The following ADAM32 variants were observed in gnomAD, a reference collection of about 807,000 sequenced individuals.
The protein encoded by ADAM32 is ADAM metallopeptidase domain 32.
Under a neutral mutation model 114.9 loss-of-function variants are expected in ADAM32, and 89 were observed. That is an observed-to-expected ratio of 0.77 (90% CI 0.65 to 0.92). ADAM32 has a LOEUF of 0.92. ADAM32 is among the 40% of genes least tolerant of loss of function. The pLI, the probability that ADAM32 is intolerant of heterozygous loss-of-function variation, is 0.00. For missense variants in ADAM32, 870 were observed against 932.8 expected (o/e 0.93, Z 0.88); for synonymous variants, 285 against 307.5 (o/e 0.93, Z 0.77).
chr8:39,161,026 G>A, intron 7 of ADAM32, 61 bp downstream of exon 7: 1 of 1,391,890 alleles, frequency 7.2e-7, no homozygotes, highest in Non-Finnish European at 9.8e-7. Flanking sequence ...ATTATGCCTA[G>A]CTAGCTAGAC....
intron 11 of ADAM32, among the ~76,000 whole-genome samples, chr8:39,204,243 A>T (rs1807652243): frequency 6.6e-6 from 1 of 152,196 alleles, no homozygotes; most frequent in African/African-American, 2.4e-5. Flanking sequence ...ACTTGGTTCC[A>T]TTCTCACCAT....
chr8:39,266,350 G>C lies in ADAM32; in HGVS notation c.2163-4526G>C, dbSNP rs145060947. ...TAATCACATATTGCTCTGATATTTT[G>C]TTCATTTAAAAAATTATTTTTTCTT... On this transcript the variant is annotated intron_variant, in intron 19 of 24. Transcript: ENST00000379907. Among the ~76,000 whole-genome samples the C allele has an allele frequency of 1.1e-4, 17 of 152,216 alleles. No homozygotes were observed. The East Asian group carries it at 3.3e-3, about 29-fold the overall frequency.
At chr8:39,181,236 C>A (rs1485744603) in intron 10 of ADAM32, among the ~76,000 whole-genome samples, 1 of 152,210 alleles carries the variant, frequency 6.6e-6, no homozygotes, top group Non-Finnish European at 1.5e-5. Context: ...CTGTAACACT[C>A]ACCACGAAGA....
At chr8:39,153,125 A>C (rs755329932) in intron 6 of ADAM32, among the ~76,000 whole-genome samples, 50 of 152,226 alleles carry the variant, frequency 3.3e-4, no homozygotes, top group Non-Finnish European at 7.2e-4. Context: ...TGCTTAATTC[A>C]CTATTATTTT....
At chr8:39,161,724 G>A (rs1804518641) in intron 7 of ADAM32, among the ~76,000 whole-genome samples, 1 of 152,054 alleles carries the variant, frequency 6.6e-6, no homozygotes, top group Admixed American at 6.6e-5. Context: ...AGCTTGTCAG[G>A]AAGCCAGAGT....
intron 19 of ADAM32, among the ~76,000 whole-genome samples, chr8:39,263,362 A>G (rs1812161018): frequency 6.6e-6 from 1 of 152,034 alleles, no homozygotes; most frequent in Non-Finnish European, 1.5e-5. Flanking sequence ...TTTTTCTATA[A>G]GTTATGAAAA....
chr8:39,205,485 G>C (rs1482968297), intron 11 of ADAM32, among the ~76,000 whole-genome samples: 2 of 152,208 alleles, frequency 1.3e-5, no homozygotes, highest in Non-Finnish European at 2.9e-5. Context: ...ACAGTATTAG[G>C]GTGGGAGTGA....
At chr8:39,180,202 A>C (rs1055659062) in intron 10 of ADAM32, among the ~76,000 whole-genome samples, 1 of 152,114 alleles carries the variant, frequency 6.6e-6, no homozygotes, top group Non-Finnish European at 1.5e-5. Context: ...CGGGCCCCGC[A>C]CTCGGAGCAG....
chr8:39,275,059 T>C (rs73608656), intron 21 of ADAM32, among the ~76,000 whole-genome samples: 1,541 of 152,326 alleles, frequency 0.01, 17 homozygotes, highest in African/African-American at 0.034. Context: ...TGCCTCCTGG[T>C]GTTCATTTTT....
chr8:39,238,387 A>C (rs186810470), intron 16 of ADAM32, among the ~76,000 whole-genome samples: 107 of 152,362 alleles, frequency 7.0e-4, no homozygotes, highest in Admixed American at 1.6e-3. Context: ...GATAGAGCAC[A>C]ACATCAAGGG....
At chr8:39,189,945 G>T (rs1806498905) in intron 11 of ADAM32, among the ~76,000 whole-genome samples, 1 of 152,148 alleles carries the variant, frequency 6.6e-6, no homozygotes, top group Non-Finnish European at 1.5e-5. Flanking sequence ...CTCCCGAGCA[G>T]CTGGAACTAT....
At chr8:39,218,878 C>T (rs1808761993) in intron 12 of ADAM32, among the ~76,000 whole-genome samples, 1 of 152,044 alleles carries the variant, frequency 6.6e-6, no homozygotes. Flanking sequence ...AGAGCATGTA[C>T]CTGAAGTCAG....
At chr8:39,209,124 A>G (rs1456269857) in intron 11 of ADAM32, among the ~76,000 whole-genome samples, 1 of 152,082 alleles carries the variant, frequency 6.6e-6, no homozygotes, top group Admixed American at 6.6e-5. Context: ...AATGACTTGT[A>G]CATTTGGTAT....
chr8:39,217,102 A>AG, intron 12 of ADAM32, among the ~76,000 whole-genome samples: 1 of 41,750 alleles, frequency 2.4e-5, no homozygotes, highest in Non-Finnish European at 5.4e-5. Flanking sequence ...TTATGTTTAA[A>AG]GAATATATAT....
chr8:39,141,539 A>C (rs1007106018), intron 3 of ADAM32, among the ~76,000 whole-genome samples: 7 of 152,156 alleles, frequency 4.6e-5, no homozygotes, highest in African/African-American at 1.7e-4. Context: ...ATTTGATTGC[A>C]CTGTGGTCTG....
rs960074316 is a variant in ADAM32 at position 39,107,789 on chromosome 8, G to T, written c.14G>T (p.Trp5Leu). The T allele has an allele frequency of 3.5e-5, 54 of 1,550,336 alleles. No homozygotes were observed. The highest frequency in any genetic ancestry group is 4.5e-5 in the Non-Finnish European group (52 of 1,146,668). ...CGAAGCCGCACCATGTTCCGCCTCT[G>T]GTTGCTGCTGGCCGGGCTCTGCGGC... MFRL[W>L]LLLAGLCGLL... Residue 5 changes from tryptophan (W) to leucine (L), a missense_variant, in exon 1 of 25, where the codon TGG becomes TTG. Physicochemically the swap from Trp to Leu is moderately conservative, Grantham distance 61. Transcript: ENST00000379907.
At chr8:39,164,114 T>C (rs905541821) in intron 7 of ADAM32, among the ~76,000 whole-genome samples, 2 of 152,174 alleles carry the variant, frequency 1.3e-5, no homozygotes, top group Non-Finnish European at 2.9e-5. Flanking sequence ...CACAGCACTC[T>C]CCTGTGTGAT....
intron 3 of ADAM32, 58 bp from the exon 4 acceptor site, chr8:39,147,072 T>A: frequency 1.5e-6 from 1 of 688,504 alleles, no homozygotes; most frequent in Non-Finnish European, 2.0e-6. Flanking sequence ...AAGTTTACTA[T>A]GTTTTTATAT....
At chr8:39,209,214 G>A (rs1315681066) in intron 11 of ADAM32, among the ~76,000 whole-genome samples, 1 of 152,034 alleles carries the variant, frequency 6.6e-6, no homozygotes, top group Non-Finnish European at 1.5e-5. Context: ...CAAATAGCCT[G>A]TGTTTGTGCT....
Sources: gnomAD v4.1 joint callset for allele counts (sites outside exome capture counted in the v4.1 genomes callset) on GRCh38, gnomAD v4.1.1 for gene constraint, MANE v1.5 for transcripts, NCBI Gene and HGNC (gene_info 2026-07-23, HGNC 2026-07-21) for gene names.